MDGA2: variants seen among roughly 807,000 people sequenced by gnomAD.
The protein encoded by MDGA2 is MAM domain containing glycosylphosphatidylinositol anchor 2.
In MDGA2, 40 loss-of-function variants were observed where a neutral mutation model predicts 117.8. The observed-to-expected ratio is 0.34, with a 90% CI of 0.26 to 0.44. MDGA2 has a LOEUF of 0.44. Ranked by LOEUF, MDGA2 falls within the 20% of genes least tolerant of loss-of-function variation. MDGA2 has a pLI of 1.00. For synonymous variants in MDGA2, 452 were observed against 439.0 expected, an observed-to-expected ratio of 1.03 and a Z score of -0.37; for missense variants, 1,123 against 1,250.6, an observed-to-expected ratio of 0.90 and a Z score of 1.54.
At chr14:47,455,875 T>G (rs1194279967) in intron 1 of MDGA2, among the ~76,000 whole-genome samples, 2 of 152,044 alleles carry the variant, frequency 1.3e-5, no homozygotes, top group Non-Finnish European at 2.9e-5. Flanking sequence ...TGGGTGCCTG[T>G]AATCCCAGTT....
intron 1 of MDGA2, among the ~76,000 whole-genome samples, chr14:47,610,085 T>C (rs542569525): frequency 3.9e-5 from 6 of 152,144 alleles, no homozygotes; most frequent in Admixed American, 2.0e-4. Context: ...ATCATCTCAA[T>C]AGATGCAGAA....
At chr14:47,423,049 A>G (rs901532724) in intron 1 of MDGA2, among the ~76,000 whole-genome samples, 2 of 152,168 alleles carry the variant, frequency 1.3e-5, no homozygotes, top group Non-Finnish European at 2.9e-5. Context: ...TATGTGGAAG[A>G]TATTTTTATG....
chr14:47,477,721 A>G (rs1018947090), intron 1 of MDGA2, among the ~76,000 whole-genome samples: 1 of 152,198 alleles, frequency 6.6e-6, no homozygotes, highest in Non-Finnish European at 1.5e-5. Context: ...TATAAGAATG[A>G]TATTCATTCA....
rs201905039 is a variant in MDGA2, at chr14:46,843,084, CA to C, written c.2990-1066del. On this transcript the variant is annotated intron_variant, in intron 16 of 16. Coordinates refer to ENST00000399232, the MANE Select transcript of MDGA2 (RefSeq NM_001113498.3). The stretch of plus-strand genomic sequence containing the variant: ...TAAATATAAATACACCCAATACATA[CA>C]GGGGGTGTTTTCATATTTAAAACTG... Among the ~76,000 whole-genome samples the C allele has an allele frequency of 4.5e-3, 686 of 151,992 alleles. 2 individuals carry two copies. The highest frequency in any genetic ancestry group is 0.015 in the African/African-American group (641 of 41,460).
At chr14:47,559,588 T>C (rs1463353674) in intron 1 of MDGA2, among the ~76,000 whole-genome samples, 1 of 151,296 alleles carries the variant, frequency 6.6e-6, no homozygotes, top group African/African-American at 2.4e-5. Context: ...TTTTTTTTTT[T>C]TTTAGACAAA....
At chr14:47,358,458 A>G (rs990051832) in intron 1 of MDGA2, among the ~76,000 whole-genome samples, 15 of 152,236 alleles carry the variant, frequency 9.9e-5, no homozygotes, top group Non-Finnish European at 7.3e-5. Context: ...TACTGAAAGT[A>G]CTAGCAAGAG....
intron 1 of MDGA2, among the ~76,000 whole-genome samples, chr14:47,648,795 A>G (rs1302958193): frequency 1.3e-5 from 2 of 152,154 alleles, no homozygotes; most frequent in African/African-American, 2.4e-5. Flanking sequence ...GTTCATAAGA[A>G]AGTGTTCATA....
intron 5 of MDGA2, among the ~76,000 whole-genome samples, chr14:47,103,513 C>G (rs924618413): frequency 1.3e-5 from 2 of 152,162 alleles, no homozygotes; most frequent in Non-Finnish European, 2.9e-5. Flanking sequence ...CTGGGAAATT[C>G]TATTTAAAAT....
At chr14:47,346,916 G>A (rs17741591) in intron 1 of MDGA2, among the ~76,000 whole-genome samples, 61,166 of 152,010 alleles carry the variant, frequency 0.4, 13,923 homozygotes, top group Admixed American at 0.58. Context: ...GAGTGGGAAC[G>A]GTTCAGTGTG....
chr14:47,423,279 T>C (rs532141351), intron 1 of MDGA2, among the ~76,000 whole-genome samples: 2 of 152,332 alleles, frequency 1.3e-5, no homozygotes, highest in African/African-American at 4.8e-5. Flanking sequence ...TTTAAATTCC[T>C]AAGTAATTCA....
chr14:47,347,205 C>G (rs1302154849), intron 1 of MDGA2, among the ~76,000 whole-genome samples: 1 of 152,070 alleles, frequency 6.6e-6, no homozygotes, highest in East Asian at 1.9e-4. Context: ...GCGACATGGC[C>G]AGATTTTATT....
chr14:47,352,239 A>G (rs760847473), intron 1 of MDGA2, among the ~76,000 whole-genome samples: 3 of 152,068 alleles, frequency 2.0e-5, no homozygotes, highest in Non-Finnish European at 4.4e-5. Flanking sequence ...TCAAGCCCAA[A>G]TTTCTTCCTC....
intron 1 of MDGA2, among the ~76,000 whole-genome samples, chr14:47,582,642 A>C (rs1393008706): frequency 6.6e-6 from 1 of 151,850 alleles, no homozygotes; most frequent in Non-Finnish European, 1.5e-5. Flanking sequence ...AATCACATAC[A>C]ATCTTTTCCA....
chr14:47,423,617 A>C (rs1421598649), intron 1 of MDGA2, among the ~76,000 whole-genome samples: 2 of 152,000 alleles, frequency 1.3e-5, no homozygotes, highest in African/African-American at 4.8e-5. Flanking sequence ...ACTGAAATTT[A>C]GTATGTATTC....
chr14:47,100,772 A>G (rs545670670), intron 5 of MDGA2, among the ~76,000 whole-genome samples: 1 of 152,300 alleles, frequency 6.6e-6, no homozygotes, highest in Admixed American at 6.5e-5. Flanking sequence ...CAGAGCATTT[A>G]TATTCTAAAT....
At chr14:47,634,426 C>T (rs1418826906) in intron 1 of MDGA2, among the ~76,000 whole-genome samples, 1 of 152,000 alleles carries the variant, frequency 6.6e-6, no homozygotes, top group Non-Finnish European at 1.5e-5. Context: ...TGTGTAAGCT[C>T]ACTTAATAAA....
At chr14:47,513,353 A>G (rs1031033487) in intron 1 of MDGA2, among the ~76,000 whole-genome samples, 3 of 152,146 alleles carry the variant, frequency 2.0e-5, no homozygotes, top group Admixed American at 6.6e-5. Flanking sequence ...GAAATATTCT[A>G]AACAATCACT....
chr14:46,877,554 A>G (rs1433546187), intron 11 of MDGA2, 45 bp from the exon 12 acceptor site: 1 of 1,398,056 alleles, frequency 7.2e-7, no homozygotes, highest in Non-Finnish European at 9.9e-7. Context: ...AAACAATGTT[A>G]GCATGGCTTG....
chr14:47,423,031 C>A (rs1892611469), intron 1 of MDGA2, among the ~76,000 whole-genome samples: 1 of 152,078 alleles, frequency 6.6e-6, no homozygotes, highest in African/African-American at 2.4e-5. Context: ...GTTGTTTTCT[C>A]TTCTATGTAT....
Sources: gnomAD v4.1 joint callset for allele counts (sites outside exome capture counted in the v4.1 genomes callset) on GRCh38, gnomAD v4.1.1 for gene constraint, MANE v1.5 for transcripts, NCBI Gene and HGNC (gene_info 2026-07-23, HGNC 2026-07-21) for gene names.